The following CCT6B variants were observed in gnomAD, a reference collection of about 807,000 sequenced individuals.
CCT6B encodes chaperonin containing TCP1 subunit 6B, also known as probable T-complex protein 1 subunit zeta-2.
In CCT6B, 49 loss-of-function variants were observed where a neutral mutation model predicts 61.5. The observed-to-expected ratio is 0.80, with a 90% CI of 0.63 to 1.01. The LOEUF (loss-of-function observed/expected upper bound fraction) is 1.01, where lower values mean the gene tolerates loss of function less well. Among genes scored for constraint, CCT6B ranks in the 50% least tolerant of loss-of-function variants. CCT6B has a pLI of 0.00. For missense variants in CCT6B, 666 were observed against 634.7 expected, an observed-to-expected ratio of 1.05 and a Z score of -0.53; for synonymous variants, 228 against 214.5, an observed-to-expected ratio of 1.06 and a Z score of -0.55.
chr17:34,959,361 G>A (rs1426793649), intron 2 of CCT6B, among the ~76,000 whole-genome samples: 1 of 150,410 alleles, frequency 6.6e-6, no homozygotes, highest in Non-Finnish European at 1.5e-5. Flanking sequence ...GAACTCCTGG[G>A]CTCAAGCAAT....
At chr17:34,953,083 C>T (rs2090310152) in intron 4 of CCT6B, among the ~76,000 whole-genome samples, 1 of 151,872 alleles carries the variant, frequency 6.6e-6, no homozygotes, top group African/African-American at 2.4e-5. Flanking sequence ...AGAAACAACT[C>T]AAGTATTCCA....
At chr17:34,946,693 T>C (rs1325400026) in intron 5 of CCT6B, among the ~76,000 whole-genome samples, 1 of 152,214 alleles carries the variant, frequency 6.6e-6, no homozygotes, top group Non-Finnish European at 1.5e-5. Flanking sequence ...AACTGTGGTA[T>C]ATTAACACAA....
chr17:34,953,456 A>AGTAGCTGGGATTACAG (rs2090315324), intron 4 of CCT6B, among the ~76,000 whole-genome samples: 1 of 151,438 alleles, frequency 6.6e-6, no homozygotes, highest in African/African-American at 2.4e-5. Context: ...TAGCCTCCCA[A>AGTAGCTGGGATTACAG]GTAGCTGGGA....
intron 3 of CCT6B, among the ~76,000 whole-genome samples, chr17:34,956,387 C>G (rs1597763017): frequency 1.3e-5 from 2 of 152,308 alleles, no homozygotes; most frequent in East Asian, 1.9e-4. Flanking sequence ...CTTACTTCCT[C>G]CAGAGAGTTC....
intron 4 of CCT6B, among the ~76,000 whole-genome samples, chr17:34,954,007 A>C (rs111885219): frequency 6.7e-4 from 102 of 152,302 alleles, no homozygotes; most frequent in Non-Finnish European, 9.9e-4. Flanking sequence ...CAATATGTGA[A>C]TATTAATATA....
At position 34,931,005 on chromosome 17, in the gene CCT6B, T is replaced by C. The variant is rs1169043277; in HGVS notation, c.1394A>G (p.Lys465Arg). ...TGACTCGACATGCTCAGCCTGAACT[T>C]TTACTAATGTTTCCTGTGGGTCATA... ...AGYDPQETLV[K>R]VQAEHVESKQ... The change falls in exon 12 of 14, where the codon AAA becomes AGA. Residue 465 changes from lysine (K) to arginine (R), a missense_variant. Transcript: ENST00000314144. 1 of 1,604,262 alleles carries C rather than the reference T, an allele frequency of 6.2e-7. No individual in the cohort carries two copies. Among genetic ancestry groups the C allele is most frequent in the Non-Finnish European group, 8.5e-7 (1 of 1,173,562 alleles).
rs149590779 is a variant in CCT6B at position 34,932,416 on chromosome 17, G to T, written c.1298C>A (p.Ala433Asp). 79 of 1,612,048 alleles carry T rather than the reference G, an allele frequency of 4.9e-5. No homozygotes were observed. The African/African-American group carries it at 9.8e-4, about 20-fold the overall frequency. The change falls in exon 11 of 14, where the codon GCT becomes GAT. Residue 433 changes from alanine to aspartate, a missense_variant. Physicochemically the swap from Ala to Asp is moderately radical, Grantham distance 126. Coordinates refer to ENST00000314144, the MANE Select transcript of CCT6B (RefSeq NM_006584.4). Reference sequence around the variant, plus strand: ...AGCAAAAGCTTGGACTCCAAGACGAGCTCTTCCTTTTATACTGTTCTTATA... The same window carrying T: ...AGCAAAAGCTTGGACTCCAAGACGATCTCTTCCTTTTATACTGTTCTTATA... ...VTYKNSIKGR[A>D]RLGVQAFADA... is the part of the protein sequence containing the mutation.
intron 5 of CCT6B, among the ~76,000 whole-genome samples, chr17:34,944,664 C>T (rs536582255): frequency 2.0e-5 from 3 of 152,348 alleles, no homozygotes; most frequent in South Asian, 2.1e-4. Context: ...CGGCGGCTCA[C>T]GCCTGTAATC....
chr17:34,953,995 T>G (rs983967890), intron 4 of CCT6B, among the ~76,000 whole-genome samples: 20 of 152,078 alleles, frequency 1.3e-4, no homozygotes, highest in Admixed American at 1.2e-3. Context: ...AACATACATT[T>G]CCAATATGTG....
intron 10 of CCT6B, among the ~76,000 whole-genome samples, chr17:34,937,021 G>C (rs1312635695): frequency 6.6e-6 from 1 of 152,134 alleles, no homozygotes; most frequent in African/African-American, 2.4e-5. Context: ...AACCAGGCAT[G>C]GTAGTGCATG....
At chr17:34,933,690 C>T (rs183512455) in intron 10 of CCT6B, among the ~76,000 whole-genome samples, 13 of 152,314 alleles carry the variant, frequency 8.5e-5, no homozygotes, top group Admixed American at 1.3e-4. Flanking sequence ...TTGAAAACTT[C>T]CCTGATCCCA....
chr17:34,942,036 G>C (rs1234565816), intron 7 of CCT6B, among the ~76,000 whole-genome samples: 1 of 149,532 alleles, frequency 6.7e-6, no homozygotes. Context: ...ACAAGACCCT[G>C]TCTCAAAAGA....
At chr17:34,947,002 G>C (rs1277065209) in intron 5 of CCT6B, among the ~76,000 whole-genome samples, 3 of 152,170 alleles carry the variant, frequency 2.0e-5, no homozygotes, top group African/African-American at 7.2e-5. Context: ...TGCTATGATA[G>C]TTGCATTTTT....
intron 13 of CCT6B, 34 bp downstream of exon 13, chr17:34,928,928 A>T: frequency 1.7e-6 from 2 of 1,159,088 alleles, no homozygotes; most frequent in Non-Finnish European, 2.6e-6. Flanking sequence ...TTATAACTCT[A>T]CAGGTCTTTC....
At chr17:34,954,641 C>T (rs780362951) in intron 3 of CCT6B, 42 bp from the exon 4 acceptor site, 34 of 1,518,966 alleles carry the variant, frequency 2.2e-5, no homozygotes, top group Non-Finnish European at 2.9e-5. Flanking sequence ...AAATAAGTCA[C>T]CCAATGTAAA....
rs2090311153 is a variant in CCT6B, at chr17:34,953,184, T to A, written c.511-1131A>T. Among the ~76,000 whole-genome samples, 2 of 152,022 alleles carry A rather than the reference T, an allele frequency of 1.3e-5. 1 individual carries two copies. Among genetic ancestry groups the A allele is most frequent in the South Asian group, 4.1e-4 (2 of 4,820 alleles). On this transcript the variant is annotated intron_variant, in intron 4 of 13. Transcript: ENST00000314144. ...GTCTTGTGAATTTGTTTCCTAAGAA[T>A]TTATCATTCTTCCTGGTAAACAAAT...
intron 4 of CCT6B, 35 bp downstream of exon 4, chr17:34,954,391 A>G (rs2090325614): frequency 3.3e-6 from 5 of 1,523,410 alleles, no homozygotes; most frequent in East Asian, 2.3e-5. Context: ...GCATTAGGCT[A>G]TATTTGTTCT....
Position 34,930,952 on chromosome 17 carries a change from T to C in CCT6B, c.1447A>G (p.Thr483Ala). The change falls in exon 12 of 14, where the codon ACA (threonine) becomes GCA (alanine). Residue 483 changes from threonine to alanine, a missense_variant. Thr to Ala is a moderately conservative substitution (Grantham distance 58). Coordinates refer to ENST00000314144, the MANE Select transcript of CCT6B (RefSeq NM_006584.4). ...TAATTTTCCTTCACTTTCTTACCTG[T>C]ATTCAAATCTACGCCCACAAGTTGT... Reference protein sequence around the residue: ...SKQLVGVDLNTGEPMVAADAG... With the variant: ...SKQLVGVDLNAGEPMVAADAG... The C allele has an allele frequency of 1.3e-6, 2 of 1,558,422 alleles. No homozygotes were observed. Among genetic ancestry groups the C allele is most frequent in the Non-Finnish European group, 1.8e-6 (2 of 1,131,828 alleles).
At chr17:34,948,964 G>C (rs2142166196) in intron 5 of CCT6B, among the ~76,000 whole-genome samples, 1 of 151,402 alleles carries the variant, frequency 6.6e-6, no homozygotes, top group African/African-American at 2.4e-5. Context: ...GAGCCCAGGT[G>C]GTCAAGGCTG....
Sources: allele counts gnomAD v4.1 joint callset (sites outside exome capture counted in the v4.1 genomes callset), GRCh38; gene constraint gnomAD v4.1.1; transcripts MANE v1.5; gene names NCBI Gene and HGNC (gene_info 2026-07-23, HGNC 2026-07-21).